The following LSM4 variants were observed in gnomAD, a reference collection of about 807,000 sequenced individuals.
LSM4 encodes LSM4 homolog, U6 small nuclear RNA and mRNA degradation associated, also known as U6 snRNA-associated Sm-like protein LSm4.
LSM4 carries 15 observed loss-of-function variants against 22.3 expected under a neutral mutation model. The observed-to-expected ratio is 0.67, with a 90% CI of 0.45 to 1.03. The LOEUF (loss-of-function observed/expected upper bound fraction) is 1.03. LSM4 is among the 50% of genes least tolerant of loss of function. The pLI, the probability that LSM4 is intolerant of heterozygous loss-of-function variation, is 0.00. For missense variants in LSM4, 127 were observed against 198.0 expected (o/e 0.64, Z 2.15); for synonymous variants, 90 against 79.8 (o/e 1.13, Z -0.68).
chr19:18,314,772 T>A (rs1192238962), intron 2 of LSM4, among the ~76,000 whole-genome samples: 9 of 152,162 alleles, frequency 5.9e-5, no homozygotes, highest in Admixed American at 5.2e-4. Flanking sequence ...AAATGGGCTT[T>A]CCTTTTGTGG....
At chr19:18,321,985 C>G (rs969132207) in intron 1 of LSM4, among the ~76,000 whole-genome samples, 1 of 152,228 alleles carries the variant, frequency 6.6e-6, no homozygotes, top group Admixed American at 6.5e-5. Flanking sequence ...TAATAAAACT[C>G]TGGTCTCCTG....
chr19:18,312,023 T>G (rs763106056), intron 3 of LSM4: 5 of 154,720 alleles, frequency 3.2e-5, no homozygotes, highest in African/African-American at 4.8e-5. Flanking sequence ...ATCCCTGGCC[T>G]CCTCCTCAGT....
At chr19:18,317,314 C>A (rs1970367211) in intron 1 of LSM4, among the ~76,000 whole-genome samples, 1 of 149,760 alleles carries the variant, frequency 6.7e-6, no homozygotes, top group Non-Finnish European at 1.5e-5. Context: ...GAGCCATCAC[C>A]CCCCGCCTGA....
intron 1 of LSM4, among the ~76,000 whole-genome samples, chr19:18,320,565 G>A (rs1238168357): frequency 2.0e-5 from 3 of 152,156 alleles, no homozygotes; most frequent in South Asian, 2.1e-4. Context: ...TTGAGAGGCC[G>A]AGGTGGGTGG....
intron 2 of LSM4, among the ~76,000 whole-genome samples, chr19:18,314,573 T>C (rs1238687152): frequency 1.3e-5 from 2 of 151,370 alleles, no homozygotes; most frequent in Non-Finnish European, 2.9e-5. Flanking sequence ...CTATAAGGAA[T>C]GAGGCACTGA....
At chr19:18,322,971 T>C in intron 1 of LSM4, 47 bp downstream of exon 1, 1 of 1,589,470 alleles carries the variant, frequency 6.3e-7, no homozygotes, top group Non-Finnish European at 8.5e-7. Flanking sequence ...TCCCAACGAC[T>C]GCTGTTCCCG....
chr19:18,309,758 A>G lies in LSM4; in HGVS notation c.248T>C (p.Val83Ala). The change falls in exon 4 of 5, where the codon GTG (valine) becomes GCG (alanine). Residue 83 changes from valine (V) to alanine (A), a missense_variant. Coordinates refer to ENST00000593829, the MANE Select transcript of LSM4 (RefSeq NM_012321.5). ...DEIIDMVKEE[V>A]VAKGRGRGGL... ...TCCGCGGCCGCGGCCCTTGGCCACC[A>G]CCTCCTCCTTGACCATGTCGATGAT... 3 of 1,613,154 alleles carry G rather than the reference A, an allele frequency of 1.9e-6. No homozygotes were observed. The highest frequency in any genetic ancestry group is 2.5e-6 in the Non-Finnish European group (3 of 1,179,718).
In LSM4 at chr19:18,312,587, G is replaced by T; in HGVS notation, c.144+17C>A. 1 of 1,609,188 alleles carries T rather than the reference G, an allele frequency of 6.2e-7. No individual in the cohort carries two copies. The highest frequency in any genetic ancestry group is 8.5e-7 in the Non-Finnish European group (1 of 1,175,676). On this transcript the variant is annotated intron_variant, in intron 3 of 4. Coordinates refer to ENST00000593829, the MANE Select transcript of LSM4 (RefSeq NM_012321.5). ...CACCCCCTGCATCCCACCCCCGTTGGTGGGTGCAGCACCCACCCTGGACGT... is the reference window on the plus strand; with the variant it reads ...CACCCCCTGCATCCCACCCCCGTTGTTGGGTGCAGCACCCACCCTGGACGT...
At chr19:18,322,963 CCAA>C in intron 1 of LSM4, 52 bp downstream of exon 1, 1 of 1,587,152 alleles carries the variant, frequency 6.3e-7, no homozygotes, top group East Asian at 2.3e-5. Context: ...CGCAGGGATC[CCAA>C]CGACTGCTGT....
chr19:18,318,885 G>A (rs182753040), intron 1 of LSM4, among the ~76,000 whole-genome samples: 10 of 152,214 alleles, frequency 6.6e-5, no homozygotes, highest in African/African-American at 1.2e-4. Flanking sequence ...GAGGACCCAC[G>A]GCCTCCTTGC....
chr19:18,322,984 T>C (rs1201136334), intron 1 of LSM4, 34 bp downstream of exon 1: 1 of 1,591,300 alleles, frequency 6.3e-7, no homozygotes, highest in African/African-American at 1.4e-5. Flanking sequence ...TGTTCCCGCC[T>C]CCCGGTGAGA....
chr19:18,311,554 C>T (rs3787025), intron 3 of LSM4, among the ~76,000 whole-genome samples: 62,532 of 152,076 alleles, frequency 0.41, 14,939 homozygotes, highest in East Asian at 0.74. Flanking sequence ...GCACGCAACA[C>T]GCCTGGTGAT....
rs1391612207 is a variant in LSM4 at position 18,309,773 on chromosome 19, A to C, written c.233T>G (p.Met78Arg). The C allele has an allele frequency of 6.2e-7, 1 of 1,613,652 alleles. No homozygotes were observed. Among genetic ancestry groups the C allele is most frequent in the African/African-American group, 1.3e-5 (1 of 74,898 alleles). ...CTTGGCCACCACCTCCTCCTTGACC[A>C]TGTCGATGATCTCGTCGGGGATGCG... ...YLRIPDEIID[M>R]VKEEVVAKGR... is the part of the protein sequence containing the mutation. Residue 78 changes from methionine (M) to arginine (R), a missense_variant, in exon 4 of 5, where the codon ATG (methionine) becomes AGG (arginine). Coordinates refer to ENST00000593829, the MANE Select transcript of LSM4 (RefSeq NM_012321.5).
At chr19:18,312,161 A>C in intron 3 of LSM4, 1 of 161,924 alleles carries the variant, frequency 6.2e-6, no homozygotes, top group Non-Finnish European at 1.4e-5. Context: ...GTGGCTCCTG[A>C]CCCACCGGGC....
At chr19:18,312,557 G>C (rs570717345) in intron 3 of LSM4, 47 bp downstream of exon 3, 4 of 1,508,112 alleles carry the variant, frequency 2.7e-6, no homozygotes, top group African/African-American at 2.7e-5. Flanking sequence ...AGGAGGCTGA[G>C]TGTGCACCCC....
At chr19:18,317,716 T>C (rs2384999) in intron 1 of LSM4, among the ~76,000 whole-genome samples, 122,653 of 151,510 alleles carry the variant, frequency 0.81, 49,882 homozygotes, top group African/African-American at 0.88. Context: ...TTTTTGATGG[T>C]GACAGGCTTT....
At chr19:18,312,551 G>T in intron 3 of LSM4, 53 bp downstream of exon 3, 1 of 1,463,768 alleles carries the variant, frequency 6.8e-7, no homozygotes, top group Non-Finnish European at 9.6e-7. Context: ...GGAGGGAGGA[G>T]GCTGAGTGTG....
chr19:18,316,842 A>C (rs1332202605), intron 1 of LSM4, among the ~76,000 whole-genome samples: 3 of 152,200 alleles, frequency 2.0e-5, no homozygotes, highest in Non-Finnish European at 4.4e-5. Context: ...CTTGCAGGGC[A>C]GCCCCAACTG....
intron 3 of LSM4, 69 bp from the exon 4 acceptor site, chr19:18,309,930 G>T (rs1169612738): frequency 1.3e-6 from 2 of 1,504,982 alleles, no homozygotes; most frequent in East Asian, 4.8e-5. Flanking sequence ...GAGCGCGGGA[G>T]GCCCTGCAGA....
Sources: allele counts gnomAD v4.1 joint callset (sites outside exome capture counted in the v4.1 genomes callset), GRCh38; gene constraint gnomAD v4.1.1; transcripts MANE v1.5; gene names NCBI Gene and HGNC (gene_info 2026-07-23, HGNC 2026-07-21).